STK32B: variants seen among roughly 807,000 people sequenced by gnomAD.
STK32B encodes the protein serine/threonine kinase 32B, also known as serine/threonine-protein kinase 32B.
In STK32B, 43 loss-of-function variants were observed where a neutral mutation model predicts 52.6. The observed-to-expected ratio is 0.82, with a 90% CI of 0.64 to 1.05. The LOEUF is 1.05. Among genes scored for constraint, STK32B ranks in the 50% least tolerant of loss-of-function variants. The pLI is 0.00. For missense variants in STK32B, 621 were observed against 534.6 expected (o/e 1.16, Z -1.59); for synonymous variants, 238 against 204.3 (o/e 1.17, Z -1.41).
intron 1 of STK32B, among the ~76,000 whole-genome samples, chr4:5,057,038 C>A (rs1742034754): frequency 6.6e-6 from 1 of 152,182 alleles, no homozygotes; most frequent in African/African-American, 2.4e-5. Context: ...CTGCAGCCTC[C>A]TAAAGAACAG....
intron 5 of STK32B, among the ~76,000 whole-genome samples, chr4:5,402,147 G>A (rs1203013531): frequency 6.6e-6 from 1 of 152,254 alleles, no homozygotes; most frequent in African/African-American, 2.4e-5. Flanking sequence ...CACCAATGCA[G>A]GAGACAAAGC....
At chr4:5,189,025 AAG>A (rs1422800058) in intron 3 of STK32B, among the ~76,000 whole-genome samples, 11 of 131,698 alleles carry the variant, frequency 8.4e-5, no homozygotes, top group African/African-American at 3.2e-4. Context: ...AAAAAAAAAA[AAG>A]AAAAACAGAT....
intron 4 of STK32B, among the ~76,000 whole-genome samples, chr4:5,335,936 T>C (rs112243476): frequency 0.017 from 2,590 of 151,686 alleles, 73 homozygotes; most frequent in African/African-American, 0.059. Context: ...GGTGTGGTGC[T>C]GAAAACTTAA....
Position 5,345,055 on chromosome 4 carries a change from A to G in STK32B, c.434+13662A>G, listed in dbSNP as rs184711514. Among the ~76,000 whole-genome samples, 392 of 152,096 alleles carry G rather than the reference A, an allele frequency of 2.6e-3. 1 individual carries two copies. Among genetic ancestry groups the G allele is most frequent in the African/African-American group, 8.8e-3 (366 of 41,546 alleles). The stretch of plus-strand genomic sequence containing the variant: ...AAAGATTAAATAATATAATTAAAAA[A>G]AAAAAGAAAACAAAAACACTTCCCA... On this transcript the variant is annotated intron_variant, in intron 4 of 11. Coordinates refer to ENST00000282908, the MANE Select transcript of STK32B (RefSeq NM_018401.3).
rs180793273 is a variant in STK32B, at chr4:5,326,014, A to G, written c.261-5206A>G. ...GGATCTGCAGCAAGAAAAAGCCACAACCTGAATTATTGCTTAAAATATTGT... is the reference window on the plus strand; with the variant it reads ...GGATCTGCAGCAAGAAAAAGCCACAGCCTGAATTATTGCTTAAAATATTGT... On this transcript the variant is annotated intron_variant, in intron 3 of 11. Transcript: ENST00000282908. 2.0e-5 allele frequency among the ~76,000 whole-genome samples: 3 copies of G among 152,250 alleles called. No homozygotes were observed. The East Asian group carries it at 5.8e-4, about 29-fold the overall frequency.
At chr4:5,197,798 T>C (rs1030284601) in intron 3 of STK32B, among the ~76,000 whole-genome samples, 2 of 152,244 alleles carry the variant, frequency 1.3e-5, no homozygotes, top group Admixed American at 1.3e-4. Flanking sequence ...ATCAGAAGCT[T>C]TTTGAAAAAT....
At chr4:5,038,425 T>G in the STK32B span, among the ~76,000 whole-genome samples, 1 of 152,200 alleles carries the variant, frequency 6.6e-6, no homozygotes, top group Non-Finnish European at 1.5e-5. Flanking sequence ...TTCAGCATTG[T>G]GCAAACATTG....
At chr4:5,492,025 T>G (rs1208731009) in intron 11 of STK32B, among the ~76,000 whole-genome samples, 1 of 152,086 alleles carries the variant, frequency 6.6e-6, no homozygotes, top group Non-Finnish European at 1.5e-5. Flanking sequence ...TGCCTCCAGC[T>G]TTGTTCTTTT....
At chr4:5,493,087 G>A (rs1719886141) in intron 11 of STK32B, among the ~76,000 whole-genome samples, 2 of 151,414 alleles carry the variant, frequency 1.3e-5, no homozygotes, top group South Asian at 4.1e-4. Flanking sequence ...GATGATGCTG[G>A]CCTCATAAAA....
chr4:5,051,042 A>C (rs1033287037), upstream of STK32B, among the ~76,000 whole-genome samples: 2 of 152,170 alleles, frequency 1.3e-5, no homozygotes, highest in Non-Finnish European at 2.9e-5. Flanking sequence ...TTCATTAAAC[A>C]CTGAGAAAAA....
intron 4 of STK32B, among the ~76,000 whole-genome samples, chr4:5,332,331 A>C (rs2108956053): frequency 6.6e-6 from 1 of 152,278 alleles, no homozygotes; most frequent in South Asian, 2.1e-4. Context: ...GGGAAACTGA[A>C]TTTAATGTTG....
At chr4:5,327,485 T>C (rs898788638) in intron 3 of STK32B, among the ~76,000 whole-genome samples, 4 of 151,916 alleles carry the variant, frequency 2.6e-5, no homozygotes, top group African/African-American at 9.7e-5. Flanking sequence ...TGTTGTTTTA[T>C]CATGAAAACA....
intron 6 of STK32B, among the ~76,000 whole-genome samples, chr4:5,417,932 T>C (rs891031264): frequency 6.6e-6 from 1 of 152,214 alleles, no homozygotes; most frequent in Non-Finnish European, 1.5e-5. Flanking sequence ...TCTTTCTCTA[T>C]GTGGTCTTTC....
chr4:5,153,366 T>G (rs1269037631), intron 2 of STK32B, among the ~76,000 whole-genome samples: 1 of 152,092 alleles, frequency 6.6e-6, no homozygotes, highest in Admixed American at 6.5e-5. Context: ...AAGTAATGAT[T>G]ATAATGGATA....
intron 3 of STK32B, among the ~76,000 whole-genome samples, chr4:5,284,182 A>C (rs992494730): frequency 5.3e-5 from 8 of 152,202 alleles, no homozygotes; most frequent in Non-Finnish European, 8.8e-5. Flanking sequence ...AGAATAAAAT[A>C]TTTTATGTAA....
At chr4:5,193,024 C>A (rs971985268) in intron 3 of STK32B, among the ~76,000 whole-genome samples, 1 of 152,136 alleles carries the variant, frequency 6.6e-6, no homozygotes, top group Non-Finnish European at 1.5e-5. Flanking sequence ...CCCAGTGCCT[C>A]CCAGTGCCTT....
intron 3 of STK32B, among the ~76,000 whole-genome samples, chr4:5,319,738 G>T (rs1731363316): frequency 6.6e-6 from 1 of 152,172 alleles, no homozygotes; most frequent in Non-Finnish European, 1.5e-5. Flanking sequence ...AGAAGAAAGA[G>T]ATTTGTTACA....
intron 3 of STK32B, among the ~76,000 whole-genome samples, chr4:5,180,697 C>T (rs1396040712): frequency 6.6e-6 from 1 of 152,168 alleles, no homozygotes; most frequent in Admixed American, 6.5e-5. Flanking sequence ...AGCTTTTCAT[C>T]GCATTACATG....
chr4:5,319,211 C>G (rs915301040), intron 3 of STK32B, among the ~76,000 whole-genome samples: 1 of 152,176 alleles, frequency 6.6e-6, no homozygotes, highest in African/African-American at 2.4e-5. Flanking sequence ...GTAAACACCA[C>G]AATAATTCCT....
Sources: gnomAD v4.1 joint callset for allele counts (sites outside exome capture counted in the v4.1 genomes callset) on GRCh38, gnomAD v4.1.1 for gene constraint, MANE v1.5 for transcripts, NCBI Gene and HGNC (gene_info 2026-07-23, HGNC 2026-07-21) for gene names.